EYS: variants seen among roughly 807,000 people sequenced by gnomAD.
The protein encoded by EYS is protein eyes shut homolog.
A neutral mutation model predicts 282.1 loss-of-function variants in EYS; 250 were observed. That is an observed-to-expected ratio of 0.89 (90% CI 0.80 to 0.98). EYS has a LOEUF of 0.98. EYS is among the 50% of genes least tolerant of loss of function. EYS has a pLI of 0.00. For missense variants in EYS, 4,016 were observed against 3,709.0 expected (o/e 1.08, Z -2.15); for synonymous variants, 1,355 against 1,282.9 (o/e 1.06, Z -1.20).
chr6:64,437,489 C>T (rs1403930464), intron 27 of EYS, among the ~76,000 whole-genome samples: 1 of 151,672 alleles, frequency 6.6e-6, no homozygotes, highest in African/African-American at 2.4e-5. Flanking sequence ...AGATCATTTA[C>T]ATTTCAGCTA....
intron 26 of EYS, among the ~76,000 whole-genome samples, chr6:64,461,356 G>A (rs536507105): frequency 5.3e-5 from 8 of 152,130 alleles, no homozygotes; most frequent in African/African-American, 1.9e-4. Flanking sequence ...GAAAGGAAAT[G>A]AGAGAGGATT....
chr6:64,274,519 T>G (rs1229384849), intron 30 of EYS, among the ~76,000 whole-genome samples: 3 of 129,334 alleles, frequency 2.3e-5, no homozygotes. Context: ...TCAGCTACAT[T>G]GATCTTAGTG....
chr6:65,491,421 C>A, intron 4 of EYS: 1 of 308,400 alleles, frequency 3.2e-6, no homozygotes, highest in Non-Finnish European at 6.4e-6. Context: ...TGTTACAAAC[C>A]AACTGCATGT....
chr6:64,977,667 G>GAAAAAAAAAAAAA, intron 14 of EYS, among the ~76,000 whole-genome samples: 1 of 122,000 alleles, frequency 8.2e-6, no homozygotes, highest in Non-Finnish European at 1.7e-5. Flanking sequence ...AGCTGTGAAT[G>GAAAAAAAAAAAAA]AAAAAAAAAA....
chr6:63,900,572 C>T (rs1773634155), intron 35 of EYS, among the ~76,000 whole-genome samples: 2 of 152,180 alleles, frequency 1.3e-5, no homozygotes, highest in South Asian at 4.1e-4. Flanking sequence ...GCTGACAGAA[C>T]CTGCACACAG....
chr6:64,904,083 C>G (rs1767750724), intron 16 of EYS, among the ~76,000 whole-genome samples: 1 of 151,962 alleles, frequency 6.6e-6, no homozygotes, highest in Non-Finnish European at 1.5e-5. Flanking sequence ...ACAGAAGAAA[C>G]TACAAGATAT....
At chr6:64,960,104 A>G (rs1445847947) in intron 14 of EYS, among the ~76,000 whole-genome samples, 1 of 152,030 alleles carries the variant, frequency 6.6e-6, no homozygotes, top group Non-Finnish European at 1.5e-5. Flanking sequence ...TATAGAAAAA[A>G]AGTGGAGTCT....
intron 7 of EYS, among the ~76,000 whole-genome samples, chr6:65,392,012 C>T (rs1289365161): frequency 3.8e-4 from 58 of 151,468 alleles, no homozygotes; most frequent in East Asian, 1.2e-3. Flanking sequence ...TCAGAAATAA[C>T]GCCGCATATC....
At chr6:64,330,379 A>G (rs1770594125) in intron 29 of EYS, among the ~76,000 whole-genome samples, 1 of 152,046 alleles carries the variant, frequency 6.6e-6, no homozygotes, top group Non-Finnish European at 1.5e-5. Flanking sequence ...CAAATTACAC[A>G]CTCGGCAAAA....
intron 2 of EYS, among the ~76,000 whole-genome samples, chr6:65,499,454 T>C (rs60125575): frequency 0.11 from 15,986 of 152,010 alleles, 1,107 homozygotes; most frequent in East Asian, 0.25. Context: ...AAGCTTGTAG[T>C]TGATTCTACA....
intron 14 of EYS, among the ~76,000 whole-genome samples, chr6:64,993,632 C>A (rs561999236): frequency 6.7e-6 from 1 of 148,942 alleles, no homozygotes; most frequent in Non-Finnish European, 1.5e-5. Flanking sequence ...TGTTAAATGA[C>A]GAGTTAATGG....
chr6:64,333,990 T>C (rs2150392209), intron 29 of EYS, among the ~76,000 whole-genome samples: 1 of 152,306 alleles, frequency 6.6e-6, no homozygotes, highest in Non-Finnish European at 1.5e-5. Context: ...TCCAAGTGTT[T>C]AGCTATTAAG....
chr6:65,564,888 G>A (rs1189352991), intron 2 of EYS, among the ~76,000 whole-genome samples: 2 of 150,954 alleles, frequency 1.3e-5, no homozygotes, highest in African/African-American at 4.9e-5. Context: ...TCTGACAAAG[G>A]GATAATATCC....
At chr6:63,932,023 C>T (rs748886252) in intron 35 of EYS, among the ~76,000 whole-genome samples, 6 of 151,968 alleles carry the variant, frequency 3.9e-5, no homozygotes, top group Non-Finnish European at 8.8e-5. Context: ...TGAGAACATG[C>T]GGTTTCTATA....
intron 8 of EYS, among the ~76,000 whole-genome samples, chr6:65,356,039 T>A (rs1470586169): frequency 1.3e-5 from 2 of 152,054 alleles, no homozygotes; most frequent in South Asian, 2.1e-4. Flanking sequence ...TATGCTTAGA[T>A]TCATTATTCA....
At chr6:64,737,193 G>T (rs967695986) in intron 22 of EYS, among the ~76,000 whole-genome samples, 7 of 152,094 alleles carry the variant, frequency 4.6e-5, no homozygotes, top group Non-Finnish European at 8.8e-5. Flanking sequence ...AAAGTTTCTG[G>T]ATGTGCATCT....
chr6:64,657,565 C>G, intron 22 of EYS, among the ~76,000 whole-genome samples: 1 of 152,082 alleles, frequency 6.6e-6, no homozygotes, highest in South Asian at 2.1e-4. Context: ...GAGAAAATAT[C>G]TCAGAATTTG....
chr6:63,957,541 A>G (rs547796574), intron 35 of EYS, among the ~76,000 whole-genome samples: 5 of 141,528 alleles, frequency 3.5e-5, no homozygotes, highest in African/African-American at 1.2e-4. Context: ...TAAAAGCTCA[A>G]TAACTGTTTG....
At chr6:64,028,393 C>A (rs952909281) in intron 33 of EYS, among the ~76,000 whole-genome samples, 73 of 152,234 alleles carry the variant, frequency 4.8e-4, no homozygotes, top group Non-Finnish European at 9.3e-4. Flanking sequence ...CCCTGCAACA[C>A]CCCAATTCTA....
Sources: gnomAD v4.1 joint callset for allele counts (sites outside exome capture counted in the v4.1 genomes callset) on GRCh38, gnomAD v4.1.1 for gene constraint, MANE v1.5 for transcripts, NCBI Gene and HGNC (gene_info 2026-07-23, HGNC 2026-07-21) for gene names.